The following ADGRL3 variants were observed in gnomAD, a reference collection of about 807,000 sequenced individuals.
ADGRL3 encodes calcium-independent alpha-latrotoxin receptor 3.
In ADGRL3, 62 loss-of-function variants were observed where a neutral mutation model predicts 153.5. The observed-to-expected ratio is 0.40, with a 90% CI of 0.33 to 0.50. ADGRL3 has a LOEUF of 0.50. ADGRL3 is among the 20% of genes least tolerant of loss of function. ADGRL3 has a pLI of 0.47. For synonymous variants in ADGRL3, 710 were observed against 672.5 expected (o/e 1.06, Z -0.86); for missense variants, 1,641 against 1,859.4 (o/e 0.88, Z 2.16).
chr4:62,023,394 C>G (rs946189372), intron 21 of ADGRL3, among the ~76,000 whole-genome samples: 3 of 152,098 alleles, frequency 2.0e-5, no homozygotes, highest in African/African-American at 7.2e-5. Context: ...GAAATGACAA[C>G]AAAGGATTTA....
chr4:61,891,969 A>C (rs2098590707), intron 9 of ADGRL3, among the ~76,000 whole-genome samples: 1 of 152,338 alleles, frequency 6.6e-6, no homozygotes, highest in Non-Finnish European at 1.5e-5. Context: ...TTCCCATTCA[A>C]ACAATCTTGT....
intron 2 of ADGRL3, among the ~76,000 whole-genome samples, chr4:61,429,665 T>C (rs1428728145): frequency 6.6e-6 from 1 of 152,114 alleles, no homozygotes; most frequent in East Asian, 1.9e-4. Context: ...AATGATTACA[T>C]TTTTTGTAGG....
rs940372433 is a variant in ADGRL3, at chr4:61,919,942, A to C, written c.2112+7185A>C. Reference sequence around the variant, plus strand: ...GTGAATGCCTCAGAAAGTAATTCTAATGAGGGTATGGGAAAAGTGTCTTTC... The same window carrying C: ...GTGAATGCCTCAGAAAGTAATTCTACTGAGGGTATGGGAAAAGTGTCTTTC... On this transcript the variant is annotated intron_variant, in intron 13 of 26. Transcript: ENST00000683033. Among the ~76,000 whole-genome samples, 9 of 152,200 alleles carry C rather than the reference A, an allele frequency of 5.9e-5. No homozygotes were observed. The South Asian group carries it at 6.2e-4, about 11-fold the overall frequency.
chr4:61,676,680 A>G, intron 5 of ADGRL3, 146 bp from the exon 6 acceptor site: 1 of 622,226 alleles, frequency 1.6e-6, no homozygotes, highest in South Asian at 2.0e-5. Flanking sequence ...TACTACAGAT[A>G]TTTTCTTAAT....
At chr4:61,752,967 C>T (rs947984497) in intron 8 of ADGRL3, among the ~76,000 whole-genome samples, 1 of 151,928 alleles carries the variant, frequency 6.6e-6, no homozygotes, top group Non-Finnish European at 1.5e-5. Context: ...GCCAAGGTGC[C>T]ATATTTGGGG....
intron 8 of ADGRL3, among the ~76,000 whole-genome samples, chr4:61,756,409 G>T (rs1248490846): frequency 2.0e-5 from 3 of 152,110 alleles, no homozygotes; most frequent in African/African-American, 7.2e-5. Context: ...CTCACGATTT[G>T]GCTCTCTGTT....
chr4:61,794,687 A>T (rs2152452902), intron 8 of ADGRL3, among the ~76,000 whole-genome samples: 1 of 152,342 alleles, frequency 6.6e-6, no homozygotes, highest in East Asian at 1.9e-4. Flanking sequence ...GATTTTCTTC[A>T]TAAAGAAGAA....
At chr4:61,896,708 A>G (rs2149661648) in intron 11 of ADGRL3, among the ~76,000 whole-genome samples, 1 of 152,326 alleles carries the variant, frequency 6.6e-6, no homozygotes, top group East Asian at 1.9e-4. Flanking sequence ...AATAGTGGTT[A>G]TATTGACTCT....
chr4:61,737,487 G>A (rs1221075437), intron 8 of ADGRL3, among the ~76,000 whole-genome samples: 2 of 152,044 alleles, frequency 1.3e-5, no homozygotes, highest in Non-Finnish European at 2.9e-5. Context: ...GAAGGACGTG[G>A]GTTTGAATTC....
intron 1 of ADGRL3, among the ~76,000 whole-genome samples, chr4:61,322,128 C>T (rs768549268): frequency 7.9e-5 from 12 of 152,150 alleles, no homozygotes; most frequent in South Asian, 6.2e-4. Flanking sequence ...TGGATAACAG[C>T]AGGCAAAGAG....
chr4:61,754,940 G>C (rs1304200068), intron 8 of ADGRL3, among the ~76,000 whole-genome samples: 1 of 152,116 alleles, frequency 6.6e-6, no homozygotes, highest in African/African-American at 2.4e-5. Context: ...CCCTACAAAG[G>C]ACATGAACTC....
chr4:61,359,950 A>G (rs2096257700), intron 1 of ADGRL3, among the ~76,000 whole-genome samples: 1 of 152,034 alleles, frequency 6.6e-6, no homozygotes. Flanking sequence ...TATTATATAT[A>G]GTGGTATGTA....
chr4:61,990,328 A>G (rs2099099381), intron 19 of ADGRL3, among the ~76,000 whole-genome samples: 1 of 152,028 alleles, frequency 6.6e-6, no homozygotes, highest in East Asian at 1.9e-4. Context: ...AATGTCCAGA[A>G]TAGGCGAATC....
intron 5 of ADGRL3, among the ~76,000 whole-genome samples, chr4:61,640,616 G>A (rs2093622755): frequency 6.6e-6 from 1 of 152,074 alleles, no homozygotes; most frequent in South Asian, 2.1e-4. Context: ...TGTGCCAGTG[G>A]TTCTTGGTTC....
Position 61,868,203 on chromosome 4 carries a change from G to C in ADGRL3, c.1481-24453G>C, listed in dbSNP as rs566409710. Among the ~76,000 whole-genome samples, 140 of 152,216 alleles carry C rather than the reference G, an allele frequency of 9.2e-4. 2 individuals carry two copies. The South Asian group carries it at 0.026, about 28-fold the overall frequency. On this transcript the variant is annotated intron_variant, in intron 9 of 26. Coordinates refer to ENST00000683033, the MANE Select transcript of ADGRL3 (RefSeq NM_001387552.1). ...GAAATATCAAAGTAATTCAGTGATT[G>C]AGACTGAATTGAAAGTAATTCAGTG...
intron 1 of ADGRL3, among the ~76,000 whole-genome samples, chr4:61,367,985 C>A (rs898049105): frequency 2.0e-5 from 3 of 151,390 alleles, no homozygotes; most frequent in Non-Finnish European, 2.9e-5. Context: ...TCTCTGATGG[C>A]CAGTGATGGT....
intron 13 of ADGRL3, among the ~76,000 whole-genome samples, chr4:61,926,046 A>T (rs965588134): frequency 4.6e-5 from 7 of 152,168 alleles, no homozygotes; most frequent in African/African-American, 1.4e-4. Context: ...CCCCTTAGGC[A>T]ACAGACCTGT....
chr4:62,041,630 C>T (rs145906642), intron 24 of ADGRL3, among the ~76,000 whole-genome samples: 227 of 152,070 alleles, frequency 1.5e-3, no homozygotes, highest in African/African-American at 5.3e-3. Flanking sequence ...TTTCCATTCC[C>T]GCAACTTATT....
intron 1 of ADGRL3, among the ~76,000 whole-genome samples, chr4:61,351,445 A>G (rs1419430380): frequency 6.6e-6 from 1 of 152,240 alleles, no homozygotes; most frequent in African/African-American, 2.4e-5. Flanking sequence ...AAGATTTTCA[A>G]TGTGGACAAC....
Sources: gnomAD v4.1 joint callset for allele counts (sites outside exome capture counted in the v4.1 genomes callset) on GRCh38, gnomAD v4.1.1 for gene constraint, MANE v1.5 for transcripts, NCBI Gene and HGNC (gene_info 2026-07-23, HGNC 2026-07-21) for gene names.